LAMA2: variants seen among roughly 807,000 people sequenced by gnomAD.
LAMA2 encodes laminin subunit alpha 2, also known as laminin subunit alpha-2.
Under a neutral mutation model 364.8 loss-of-function variants are expected in LAMA2, and 269 were observed. The ratio of observed to expected loss-of-function variants is 0.74; its 90% CI spans 0.67 to 0.82. LAMA2 has a LOEUF of 0.82. LAMA2 is among the 40% of genes least tolerant of loss of function. The probability of loss-of-function intolerance (pLI) is 0.00; values close to 1 mark genes in which losing one functional copy is unlikely to be tolerated. For missense variants in LAMA2, 3,807 were observed against 3,873.2 expected, an observed-to-expected ratio of 0.98 and a Z score of 0.45; for synonymous variants, 1,379 against 1,370.6, an observed-to-expected ratio of 1.01 and a Z score of -0.14.
intron 13 of LAMA2, 66 bp from the exon 14 acceptor site, chr6:129,252,018 T>C (rs1786289479): frequency 3.1e-6 from 3 of 971,738 alleles, no homozygotes; most frequent in East Asian, 2.5e-5. Flanking sequence ...AATATAGATA[T>C]GTTTGACACT....
In LAMA2 at chr6:129,328,413, G is replaced by A; in HGVS notation, c.4311+1G>A. 6.2e-7 allele frequency: 1 copy of A among 1,614,112 alleles called. No homozygotes were observed. Among genetic ancestry groups the A allele is most frequent in the South Asian group, 1.1e-5 (1 of 91,086 alleles). On this transcript the variant is annotated splice_donor_variant, in intron 29 of 64. Transcript: ENST00000421865. LOFTEE classifies it high-confidence loss of function. ...TGACCCTGAAACATCGATATGCCAG[G>A]TAGTCCTCTGAGCCTTCCTTGAACA...
At chr6:128,921,713 T>TTTTTTTTTTTTTTTTTTTTTTTTTTTAA (rs1328311348) in intron 1 of LAMA2, among the ~76,000 whole-genome samples, 2 of 144,832 alleles carry the variant, frequency 1.4e-5, no homozygotes, top group African/African-American at 5.1e-5. Context: ...TTTTTTTTTT[T>TTTTTTTTTTTTTTTTTTTTTTTTTTTAA]ATTATTATTA....
Position 129,080,407 on chromosome 6 carries a change from G to A in LAMA2, c.397-17766G>A, listed in dbSNP as rs116143304. On this transcript the variant is annotated intron_variant, in intron 3 of 64. Transcript: ENST00000421865. ...AACAAGATTAAATTACTACAGAGGAGTCTTAGAATTTAAAACTCTAAAAAG... is the reference window on the plus strand; with the variant it reads ...AACAAGATTAAATTACTACAGAGGAATCTTAGAATTTAAAACTCTAAAAAG... Among the ~76,000 whole-genome samples, 375 of 152,236 alleles carry A rather than the reference G, an allele frequency of 2.5e-3. 3 individuals are homozygous for A. The highest frequency in any genetic ancestry group is 8.6e-3 in the African/African-American group (356 of 41,548).
chr6:129,085,801 G>T (rs943208846), intron 3 of LAMA2, among the ~76,000 whole-genome samples: 2 of 152,108 alleles, frequency 1.3e-5, no homozygotes, highest in Non-Finnish European at 2.9e-5. Context: ...CAGAAAAATT[G>T]GGAGAAAATA....
At position 129,035,776 on chromosome 6, in the gene LAMA2, A is replaced by G. The variant is rs533259616; in HGVS notation, c.113-14142A>G. ...TGCTTATTTTTATTGACTTTGTCGAAGATTAGTTGTAGGAATATGGATTTA... is the reference window on the plus strand; with the variant it reads ...TGCTTATTTTTATTGACTTTGTCGAGGATTAGTTGTAGGAATATGGATTTA... On this transcript the variant is annotated intron_variant, in intron 1 of 64. Transcript: ENST00000421865. 2.0e-5 allele frequency among the ~76,000 whole-genome samples: 3 copies of G among 152,080 alleles called. No homozygotes were observed. In the South Asian group the frequency reaches 6.2e-4, roughly 31 times the overall value.
At chr6:128,927,779 A>C (rs993962393) in intron 1 of LAMA2, among the ~76,000 whole-genome samples, 1 of 152,228 alleles carries the variant, frequency 6.6e-6, no homozygotes, top group African/African-American at 2.4e-5. Context: ...AATTATTATT[A>C]ATAGAAAATA....
chr6:129,168,037 T>A (rs1372596389), intron 9 of LAMA2, among the ~76,000 whole-genome samples: 1 of 149,622 alleles, frequency 6.7e-6, no homozygotes, highest in Non-Finnish European at 1.5e-5. Context: ...TAAATTTGTT[T>A]GAGTTCATTG....
chr6:128,937,967 G>A (rs1361034286), intron 1 of LAMA2, among the ~76,000 whole-genome samples: 6 of 151,596 alleles, frequency 4.0e-5, no homozygotes, highest in African/African-American at 1.5e-4. Flanking sequence ...AGAAGTTTTG[G>A]TGTGTTGTAT....
rs974593917 is a variant in LAMA2, at chr6:129,386,073, C to CT, written c.5071+2850dup. On this transcript the variant is annotated intron_variant, in intron 35 of 64. Coordinates refer to ENST00000421865, the MANE Select transcript of LAMA2 (RefSeq NM_000426.4). ...CTAATTCTTTCCCTAATTTATACAA[C>CT]TTTTTTTTTTACCTGTAGTGCTATT... is the stretch of plus-strand genomic sequence containing the variant. Among the ~76,000 whole-genome samples the CT allele has an allele frequency of 4.0e-3, 594 of 148,714 alleles. 4 individuals are homozygous for CT. The highest frequency in any genetic ancestry group is 0.011 in the African/African-American group (459 of 40,758).
chr6:129,274,183 T>A (rs915878135), intron 17 of LAMA2, among the ~76,000 whole-genome samples: 2 of 151,700 alleles, frequency 1.3e-5, no homozygotes, highest in Non-Finnish European at 1.5e-5. Context: ...TAGAAAATTA[T>A]CATGGTTTAG....
chr6:129,356,994 A>G (rs910248754), intron 32 of LAMA2, among the ~76,000 whole-genome samples: 1 of 152,164 alleles, frequency 6.6e-6, no homozygotes, highest in South Asian at 2.1e-4. Context: ...CAGCTTTACA[A>G]TGTTATGTAA....
At chr6:129,405,363 A>G in intron 40 of LAMA2, among the ~76,000 whole-genome samples, 1 of 152,084 alleles carries the variant, frequency 6.6e-6, no homozygotes, top group East Asian at 1.9e-4. Flanking sequence ...TATGATAAGG[A>G]GGTGTTTAAT....
Position 129,502,704 on chromosome 6 carries a change from A to G in LAMA2, c.8290A>G (p.Lys2764Glu). 1.2e-6 allele frequency: 2 copies of G among 1,614,120 alleles called. No individual in the cohort carries two copies. Among genetic ancestry groups the G allele is most frequent in the Non-Finnish European group, 1.7e-6 (2 of 1,179,962 alleles). The change falls in exon 59 of 65, where the codon AAG becomes GAG. Residue 2764 changes from lysine (K) to glutamate (E), a missense_variant. Lys to Glu is a moderately conservative substitution (Grantham distance 56). This residue lies in a region of LAMA2 where 3,333 missense variants were observed against 3,345.7 expected (regional missense o/e 1.00). Coordinates refer to ENST00000421865, the MANE Select transcript of LAMA2 (RefSeq NM_000426.4). ...ESEPALLIGSKQFGLSRNSHI... is the reference protein window; with the variant it reads ...ESEPALLIGSEQFGLSRNSHI... ...AGAACCAGCTCTTTTGATAGGGAGC[A>G]AGCAGTTCGGGCTTTCAAGAAACAG...
At chr6:129,500,469 T>C (rs538726919) in intron 58 of LAMA2, among the ~76,000 whole-genome samples, 2 of 152,320 alleles carry the variant, frequency 1.3e-5, no homozygotes, top group South Asian at 2.1e-4. Context: ...TACCGTTTTA[T>C]TAAGCACTGC....
intron 64 of LAMA2, among the ~76,000 whole-genome samples, chr6:129,515,035 A>G (rs376825235): frequency 1.3e-5 from 2 of 152,330 alleles, no homozygotes; most frequent in East Asian, 1.9e-4. Flanking sequence ...TTATGTTATT[A>G]TAGAGTTTAT....
rs199714288 is a variant in LAMA2 at position 129,492,365 on chromosome 6, G to T, written c.8126G>T (p.Arg2709Leu). The change falls in exon 58 of 65, where the codon CGC (arginine) becomes CTC (leucine). Residue 2709 changes from arginine to leucine, a missense_variant. By Grantham distance (102) the Arg-to-Leu change is moderately radical. Coordinates refer to ENST00000421865, the MANE Select transcript of LAMA2 (RefSeq NM_000426.4). ...TCCTTCAAAAATGCTGACATTGGTCGCTGTGCCCATCAGAAACTCCGTGAA... is the reference window on the plus strand; with the variant it reads ...TCCTTCAAAAATGCTGACATTGGTCTCTGTGCCCATCAGAAACTCCGTGAA... ...PVSFKNADIG[R>L]CAHQKLREDE... The T allele has an allele frequency of 1.9e-6, 3 of 1,614,072 alleles. No individual in the cohort carries two copies. Among genetic ancestry groups the T allele is most frequent in the Non-Finnish European group, 1.7e-6 (2 of 1,179,952 alleles).
intron 30 of LAMA2, among the ~76,000 whole-genome samples, chr6:129,345,357 T>C (rs143351333): frequency 6.6e-6 from 1 of 152,146 alleles, no homozygotes; most frequent in Non-Finnish European, 1.5e-5. Flanking sequence ...GTTGGTCCTG[T>C]AGTTACACTC....
In LAMA2 at chr6:129,457,801, A is replaced by G. The variant is rs992335771; in HGVS notation, c.6867+1307A>G. Among the ~76,000 whole-genome samples, 8 of 152,100 alleles carry G rather than the reference A, an allele frequency of 5.3e-5. No homozygotes were observed. In the East Asian group the frequency reaches 1.2e-3, roughly 22 times the overall value. On this transcript the variant is annotated intron_variant, in intron 48 of 64. Transcript: ENST00000421865. ...AAGCTAAGAAGTCTGAGATCAAGGT[A>G]CTGGCAGATTTGGTGTTTAGTGAGA...
intron 60 of LAMA2, among the ~76,000 whole-genome samples, chr6:129,504,510 A>G (rs1398715031): frequency 2.6e-5 from 4 of 152,208 alleles, no homozygotes; most frequent in African/African-American, 9.6e-5. Context: ...CCATCATGGT[A>G]CTTTAGCATT....
Sources: gnomAD v4.1 joint callset for allele counts (sites outside exome capture counted in the v4.1 genomes callset) on GRCh38, gnomAD v4.1.1 for gene constraint, gnomAD v4.1.1 regional missense constraint, MANE v1.5 for transcripts, NCBI Gene and HGNC (gene_info 2026-07-23, HGNC 2026-07-21) for gene names.